The following MTUS2 variants were observed in gnomAD, a reference collection of about 807,000 sequenced individuals.
MTUS2 encodes microtubule-associated tumor suppressor candidate 2.
A neutral mutation model predicts 114.1 loss-of-function variants in MTUS2; 40 were observed. That is an observed-to-expected ratio of 0.35 (90% CI 0.27 to 0.46). The LOEUF (loss-of-function observed/expected upper bound fraction) is 0.46. MTUS2 is among the 20% of genes least tolerant of loss of function. The probability of loss-of-function intolerance (pLI) is 1.00; values close to 1 mark genes in which losing one functional copy is unlikely to be tolerated. For synonymous variants in MTUS2, 688 were observed against 672.0 expected (o/e 1.02, Z -0.37); for missense variants, 1,679 against 1,705.4 (o/e 0.98, Z 0.27).
At chr13:29,154,144 A>G (rs1027700024) in intron 5 of MTUS2, among the ~76,000 whole-genome samples, 4 of 152,356 alleles carry the variant, frequency 2.6e-5, no homozygotes, top group South Asian at 2.1e-4. Flanking sequence ...GCAAAATTAG[A>G]GAAAGCAAAA....
At chr13:29,321,007 A>C (rs1900230510) in intron 6 of MTUS2, among the ~76,000 whole-genome samples, 1 of 152,214 alleles carries the variant, frequency 6.6e-6, no homozygotes, top group Admixed American at 6.5e-5. Context: ...TTTGAGAAGA[A>C]GTTAACCAGC....
chr13:29,498,208 C>G (rs1005547154), intron 13 of MTUS2, among the ~76,000 whole-genome samples: 41 of 152,320 alleles, frequency 2.7e-4, no homozygotes, highest in African/African-American at 8.9e-4. Context: ...CCTGTTCCCC[C>G]ACAGAACTGG....
At chr13:28,837,365 A>G (rs1187995707) in intron 1 of MTUS2, among the ~76,000 whole-genome samples, 2 of 152,168 alleles carry the variant, frequency 1.3e-5, no homozygotes, top group Non-Finnish European at 2.9e-5. Flanking sequence ...GCCATTCGGT[A>G]ACATCAGCTC....
chr13:29,025,335 G>A lies in MTUS2; in HGVS notation c.637G>A (p.Gly213Arg), dbSNP rs1195894517. 1 of 1,613,808 alleles carries A rather than the reference G, an allele frequency of 6.2e-7. No homozygotes were observed. The highest frequency in any genetic ancestry group is 1.1e-5 in the South Asian group (1 of 91,068). The change falls in exon 3 of 16, where the codon GGG (glycine) becomes AGG (arginine). Residue 213 changes from glycine to arginine, a missense_variant. This residue lies in a region of MTUS2 where 843 missense variants were observed against 770.8 expected (regional missense o/e 1.09). Coordinates refer to ENST00000612955, the MANE Select transcript of MTUS2 (RefSeq NM_001033602.4). ...AGCACGGGGTCAGATACCTGGGGGT[G>A]GGGAGGGGCCACAGAAGACATTGCC... ...REARGQIPGG[G>R]EGPQKTLPDH...
chr13:28,908,405 C>T (rs1880188771), intron 2 of MTUS2, among the ~76,000 whole-genome samples: 1 of 151,344 alleles, frequency 6.6e-6, no homozygotes, highest in Non-Finnish European at 1.5e-5. Flanking sequence ...GGTTTTCTGT[C>T]CTTGTGATAG....
intron 5 of MTUS2, among the ~76,000 whole-genome samples, chr13:29,104,527 T>G (rs1175183863): frequency 6.6e-6 from 1 of 152,188 alleles, no homozygotes; most frequent in Non-Finnish European, 1.5e-5. Context: ...GGGTTCCGCT[T>G]TACGCAGAAG....
intron 4 of MTUS2, among the ~76,000 whole-genome samples, chr13:29,086,690 T>C (rs1438852546): frequency 6.6e-6 from 1 of 152,220 alleles, no homozygotes; most frequent in Non-Finnish European, 1.5e-5. Context: ...AGGAATAACA[T>C]TGAATCTGTA....
At position 29,025,965 on chromosome 13, in the gene MTUS2, G is replaced by C; in HGVS notation, c.1267G>C (p.Gly423Arg). ...KISPCAGEKL[G>R]ERTSSSFSPG... ...TTCACCATGTGCAGGTGAGAAGTTG[G>C]GTGAAAGGACATCCAGCAGCTTTTC... Residue 423 changes from glycine to arginine, a missense_variant, in exon 3 of 16, where the codon GGT becomes CGT. Physicochemically the swap from Gly to Arg is moderately radical, Grantham distance 125. This residue lies in a region of MTUS2 where 843 missense variants were observed against 770.8 expected (regional missense o/e 1.09). Transcript: ENST00000612955. The C allele has an allele frequency of 6.2e-7, 1 of 1,613,976 alleles. No homozygotes were observed. The highest frequency in any genetic ancestry group is 1.1e-5 in the South Asian group (1 of 91,082).
chr13:28,865,119 A>ATACACACACGTGTGTGTG (rs1877218880), intron 2 of MTUS2, among the ~76,000 whole-genome samples: 1 of 152,018 alleles, frequency 6.6e-6, no homozygotes, highest in Non-Finnish European at 1.5e-5. Context: ...GGGGGTGTGT[A>ATACACACACGTGTGTGTG]TACACACACG....
At chr13:29,207,697 T>G (rs1895248045) in intron 5 of MTUS2, among the ~76,000 whole-genome samples, 1 of 152,198 alleles carries the variant, frequency 6.6e-6, no homozygotes, top group African/African-American at 2.4e-5. Context: ...ATTTTTGTTT[T>G]TAATTCTGTT....
chr13:29,168,733 T>C (rs1386891192), intron 5 of MTUS2, among the ~76,000 whole-genome samples: 1 of 152,136 alleles, frequency 6.6e-6, no homozygotes, highest in African/African-American at 2.4e-5. Flanking sequence ...CCTTCTTTAT[T>C]CCACCCGAAG....
intron 5 of MTUS2, among the ~76,000 whole-genome samples, chr13:29,253,077 G>A (rs969347353): frequency 1.6e-5 from 2 of 121,232 alleles, no homozygotes; most frequent in African/African-American, 3.8e-5. Context: ...TACATTTTTG[G>A]CCTTTTTTTT....
At chr13:29,320,108 A>G (rs936631390) in intron 6 of MTUS2, among the ~76,000 whole-genome samples, 19 of 152,236 alleles carry the variant, frequency 1.2e-4, no homozygotes, top group African/African-American at 3.9e-4. Flanking sequence ...TGGGGAGATT[A>G]TCCTGGATTA....
chr13:29,279,820 GA>G (rs1353158677), intron 5 of MTUS2, among the ~76,000 whole-genome samples: 1 of 152,202 alleles, frequency 6.6e-6, no homozygotes, highest in Non-Finnish European at 1.5e-5. Context: ...TTTCATGTAA[GA>G]GAATGATGCC....
intron 2 of MTUS2, among the ~76,000 whole-genome samples, chr13:28,850,920 G>T (rs558565935): frequency 6.6e-6 from 1 of 152,228 alleles, no homozygotes; most frequent in African/African-American, 2.4e-5. Flanking sequence ...GTTTACCATG[G>T]TTTCATTTAT....
chr13:29,285,157 A>G (rs902895774), intron 6 of MTUS2, among the ~76,000 whole-genome samples: 12 of 151,736 alleles, frequency 7.9e-5, no homozygotes, highest in African/African-American at 2.9e-4. Flanking sequence ...CAATGGATGA[A>G]TACCCATCAA....
At chr13:28,915,711 T>C (rs1175355707) in intron 2 of MTUS2, among the ~76,000 whole-genome samples, 1 of 151,952 alleles carries the variant, frequency 6.6e-6, no homozygotes, top group Non-Finnish European at 1.5e-5. Flanking sequence ...CCTTTTCAGA[T>C]GGGTGGTTTA....
Position 29,505,013 on chromosome 13 carries a change from C to G in MTUS2, c.*1807C>G, listed in dbSNP as rs1173630263. 2 of 232,618 alleles carry G rather than the reference C, an allele frequency of 8.6e-6. No homozygotes were observed. The highest frequency in any genetic ancestry group is 4.4e-5 in the African/African-American group (2 of 45,310). 14.4% of individuals were successfully genotyped at this position (232,618 alleles called of 1,614,324 possible). ...GGGCCTCAGGTGCATCTCCAGCCAACCTCCAAGGGTCTTGCTCCTTCTGGG... is the reference window on the plus strand; with the variant it reads ...GGGCCTCAGGTGCATCTCCAGCCAAGCTCCAAGGGTCTTGCTCCTTCTGGG... On this transcript the variant is annotated 3_prime_UTR_variant, in exon 16 of 16. Coordinates refer to ENST00000612955, the MANE Select transcript of MTUS2 (RefSeq NM_001033602.4).
intron 5 of MTUS2, among the ~76,000 whole-genome samples, chr13:29,120,619 A>G (rs1265426627): frequency 6.6e-6 from 1 of 152,222 alleles, no homozygotes; most frequent in African/African-American, 2.4e-5. Context: ...CCACTTAAAA[A>G]TAAGAGAAGA....
Sources: gnomAD v4.1 joint callset for allele counts (sites outside exome capture counted in the v4.1 genomes callset) on GRCh38, gnomAD v4.1.1 for gene constraint, gnomAD v4.1.1 regional missense constraint, MANE v1.5 for transcripts, NCBI Gene and HGNC (gene_info 2026-07-23, HGNC 2026-07-21) for gene names.